The following CAST variants were observed in gnomAD, a reference collection of about 807,000 sequenced individuals.
CAST encodes calpastatin, also known as MIR583 host.
CAST carries 76 observed loss-of-function variants against 119.6 expected under a neutral mutation model. The ratio of observed to expected loss-of-function variants is 0.64; its 90% CI spans 0.53 to 0.77. The LOEUF (loss-of-function observed/expected upper bound fraction) is 0.77, where lower values mean the gene tolerates loss of function less well. CAST is among the 30% of genes least tolerant of loss of function. The pLI, the probability that CAST is intolerant of heterozygous loss-of-function variation, is 0.00. For missense variants in CAST, 953 were observed against 946.5 expected, an observed-to-expected ratio of 1.01 and a Z score of -0.09; for synonymous variants, 319 against 331.6, an observed-to-expected ratio of 0.96 and a Z score of 0.41.
intron 1 of CAST, among the ~76,000 whole-genome samples, chr5:96,543,004 A>G (rs914641578): frequency 6.6e-6 from 1 of 152,206 alleles, no homozygotes; most frequent in African/African-American, 2.4e-5. Context: ...AACCAGAAAT[A>G]ACATTTGACC....
At chr5:96,584,450 G>A (rs182404961) in intron 1 of CAST, 1 of 152,304 alleles carries the variant, frequency 6.6e-6, no homozygotes, top group Non-Finnish European at 1.5e-5. Context: ...TTTGTTTTGT[G>A]TAAATATATA....
At chr5:96,475,436 C>T in the CAST span, among the ~76,000 whole-genome samples, 2 of 152,192 alleles carry the variant, frequency 1.3e-5, no homozygotes, top group African/African-American at 4.8e-5. Context: ...TGAATGTTGT[C>T]CTTTCAGTCT....
the CAST span, among the ~76,000 whole-genome samples, chr5:96,128,065 A>C: frequency 2.0e-5 from 3 of 152,122 alleles, no homozygotes; most frequent in Non-Finnish European, 2.9e-5. Flanking sequence ...TGAGTAATTA[A>C]AATAAATTAT....
At chr5:96,556,782 T>C (rs1746249386) in intron 1 of CAST, among the ~76,000 whole-genome samples, 1 of 152,156 alleles carries the variant, frequency 6.6e-6, no homozygotes, top group Admixed American at 6.6e-5. Flanking sequence ...TGGAAAACAC[T>C]CTGCAGGATA....
At chr5:96,099,713 T>C in the CAST span, among the ~76,000 whole-genome samples, 1 of 152,240 alleles carries the variant, frequency 6.6e-6, no homozygotes, top group East Asian at 1.9e-4. Flanking sequence ...GATGTGCTGC[T>C]AGATTTGGTT....
At chr5:96,079,026 A>G in the CAST span, 3 of 425,444 alleles carry the variant, frequency 7.1e-6, no homozygotes, top group Admixed American at 8.9e-5. Context: ...TCTGTACAAC[A>G]AAACCCCATG....
the CAST span, among the ~76,000 whole-genome samples, chr5:96,343,171 T>TA: frequency 1.8e-3 from 269 of 150,352 alleles, 3 homozygotes; most frequent in Admixed American, 7.3e-4. Context: ...TTAACCTCAC[T>TA]AAAAAAAAAC....
chr5:96,670,253 A>G (rs988689450), intron 1 of CAST, among the ~76,000 whole-genome samples: 1 of 152,168 alleles, frequency 6.6e-6, no homozygotes, highest in Admixed American at 6.5e-5. Flanking sequence ...ATCACCCACC[A>G]AGACATATGA....
the CAST span, among the ~76,000 whole-genome samples, chr5:96,440,711 G>A: frequency 5.3e-5 from 8 of 152,290 alleles, no homozygotes; most frequent in South Asian, 1.7e-3. Context: ...TCAGGGTTTG[G>A]CGTTAAGAAA....
chr5:96,753,909 CAT>C (rs1765720257), intron 20 of CAST, 149 bp from the exon 21 acceptor site: 4 of 585,308 alleles, frequency 6.8e-6, no homozygotes. Flanking sequence ...GTTTTTTAAA[CAT>C]AGATTCTAAT....
chr5:96,141,476 A>G, the CAST span, among the ~76,000 whole-genome samples: 5 of 152,214 alleles, frequency 3.3e-5, no homozygotes, highest in African/African-American at 1.2e-4. Flanking sequence ...GAAAAAAACA[A>G]TTTGATAAAT....
At chr5:96,037,394 G>A in the CAST span, among the ~76,000 whole-genome samples, 1 of 152,096 alleles carries the variant, frequency 6.6e-6, no homozygotes, top group Non-Finnish European at 1.5e-5. Flanking sequence ...AAATATTACT[G>A]GTATTGAACT....
chr5:95,968,399 C>T, the CAST span, among the ~76,000 whole-genome samples: 9 of 152,076 alleles, frequency 5.9e-5, no homozygotes, highest in East Asian at 5.8e-4. Flanking sequence ...ATATGCACAG[C>T]GCATAGGTGC....
At chr5:96,647,978 A>G (rs777931420) in intron 1 of CAST, among the ~76,000 whole-genome samples, 5 of 152,250 alleles carry the variant, frequency 3.3e-5, no homozygotes, top group Admixed American at 6.5e-5. Context: ...ATTCTTTCCT[A>G]TACTAGGAAA....
chr5:96,387,291 G>C, the CAST span, among the ~76,000 whole-genome samples: 1 of 152,144 alleles, frequency 6.6e-6, no homozygotes, highest in African/African-American at 2.4e-5. Context: ...AAGGCTTGTG[G>C]CTTTTTGGTT....
chr5:96,415,546 G>A, the CAST span, among the ~76,000 whole-genome samples: 1 of 152,166 alleles, frequency 6.6e-6, no homozygotes, highest in African/African-American at 2.4e-5. Context: ...GGACACTGAT[G>A]AAAACAATTA....
chr5:96,379,152 A>C, the CAST span, among the ~76,000 whole-genome samples: 1 of 152,200 alleles, frequency 6.6e-6, no homozygotes, highest in Non-Finnish European at 1.5e-5. Flanking sequence ...TTTTGATACC[A>C]GTGAATGTTC....
chr5:96,588,798 G>A (rs2150191107), intron 1 of CAST, among the ~76,000 whole-genome samples: 1 of 152,200 alleles, frequency 6.6e-6, no homozygotes, highest in Admixed American at 6.5e-5. Context: ...ATTTCTCTAT[G>A]CAATCTTCAA....
intron 1 of CAST, among the ~76,000 whole-genome samples, chr5:96,535,092 AATGGCAT>A (rs1745782031): frequency 6.6e-6 from 1 of 152,198 alleles, no homozygotes; most frequent in African/African-American, 2.4e-5. Flanking sequence ...TTACAGAACA[AATGGCAT>A]ATAGTATCAA....
Sources: gnomAD v4.1 joint callset for allele counts (sites outside exome capture counted in the v4.1 genomes callset) on GRCh38, gnomAD v4.1.1 for gene constraint, MANE v1.5 for transcripts, NCBI Gene and HGNC (gene_info 2026-07-23, HGNC 2026-07-21) for gene names.